The following KMT2C variants were observed in gnomAD, a reference collection of about 807,000 sequenced individuals.
The protein encoded by KMT2C is lysine methyltransferase 2C, also known as histone-lysine N-methyltransferase 2C.
In KMT2C, 88 loss-of-function variants were observed where a neutral mutation model predicts 507.9. That is an observed-to-expected ratio of 0.17 (90% confidence interval 0.15 to 0.21). The LOEUF (loss-of-function observed/expected upper bound fraction) is 0.21, where lower values mean the gene tolerates loss of function less well. KMT2C is among the 10% of genes least tolerant of loss of function. KMT2C has a pLI of 1.00. For synonymous variants in KMT2C, 2,049 were observed against 2,080.8 expected (o/e 0.98, Z 0.42); for missense variants, 4,954 against 5,957.8 (o/e 0.83, Z 5.55).
At chr7:152,223,518 G>A (rs1376362517) in intron 20 of KMT2C, among the ~76,000 whole-genome samples, 1 of 152,096 alleles carries the variant, frequency 6.6e-6, no homozygotes, top group East Asian at 1.9e-4. Context: ...TCTTGGGCGG[G>A]CACAGTGGCT....
chr7:152,243,675 C>T (rs1434145345), intron 14 of KMT2C, among the ~76,000 whole-genome samples: 1 of 152,052 alleles, frequency 6.6e-6, no homozygotes, highest in Non-Finnish European at 1.5e-5. Flanking sequence ...GTCCCCGCTA[C>T]TCAGGAGGCT....
Position 152,181,058 on chromosome 7 carries a change from G to C in KMT2C, c.6802C>G (p.Pro2268Ala), listed in dbSNP as rs2129119599. 1 of 1,614,194 alleles carries C rather than the reference G, an allele frequency of 6.2e-7. No individual in the cohort carries two copies. ...GPALPGPLVR[P>A]PDTCSQTPRP... is the part of the protein sequence containing the mutation. The stretch of plus-strand genomic sequence containing the variant: ...GGTGTCTGGGAACATGTATCAGGTG[G>C]CCTTACCAACGGGCCAGGTAAAGCT... The change falls in exon 36 of 59, where the codon CCA (proline) becomes GCA (alanine). Residue 2268 changes from proline to alanine, a missense_variant. Physicochemically the swap from Pro to Ala is conservative, Grantham distance 27 (BLOSUM62 -1). Transcript: ENST00000262189.
At chr7:152,411,794 TAATA>T (rs2097687439) in intron 1 of KMT2C, among the ~76,000 whole-genome samples, 1 of 152,290 alleles carries the variant, frequency 6.6e-6, no homozygotes, top group Non-Finnish European at 1.5e-5. Context: ...TTTCTTTAAA[TAATA>T]AAAGGGAAAC....
At chr7:152,367,930 C>T in intron 1 of KMT2C, 1 of 981,276 alleles carries the variant, frequency 1.0e-6, no homozygotes, top group South Asian at 1.3e-5. Context: ...CAACTTATTG[C>T]CAAAGCAGAC....
At position 152,187,264 on chromosome 7, in the gene KMT2C, G is replaced by A. The variant is rs200711600; in HGVS notation, c.5006C>T (p.Pro1669Leu). 1 of 1,611,706 alleles carries A rather than the reference G, an allele frequency of 6.2e-7. No homozygotes were observed. Among genetic ancestry groups the A allele is most frequent in the Non-Finnish European group, 8.5e-7 (1 of 1,177,848 alleles). Residue 1669 changes from proline (P) to leucine (L), a missense_variant and splice_region_variant, in exon 33 of 59, where the codon CCT (proline) becomes CTT (leucine). Coordinates refer to ENST00000262189, the MANE Select transcript of KMT2C (RefSeq NM_170606.3). ...GAAATAATATATTCATGGCTTACCAGGGAATTCTTCCTTTAAGTTGGGGAA... is the reference window on the plus strand; with the variant it reads ...GAAATAATATATTCATGGCTTACCAAGGAATTCTTCCTTTAAGTTGGGGAA... The part of the protein sequence containing the change: ...INFPNLKEEF[P>L]DWTTRVKQIA...
Position 152,315,161 on chromosome 7 carries a change from T to C in KMT2C, c.567A>G (p.Pro189=). The C allele has an allele frequency of 6.2e-7, 1 of 1,614,078 alleles. No homozygotes were observed. Among genetic ancestry groups the C allele is most frequent in the Non-Finnish European group, 8.5e-7 (1 of 1,179,966 alleles). Residue 189 remains proline, a synonymous_variant, in exon 4 of 59, where the codon CCA becomes CCG. Transcript: ENST00000262189. ...GTYEKMQNSA[P]RKQRGQRKER... is the part of the protein sequence containing the mutation. Reference sequence around the variant, plus strand: ...ACTTTCTCTGTCCTCTTTGTTTTCGTGGTGCTGAGTTTTGCATTTTCTCAT... The same window carrying C: ...ACTTTCTCTGTCCTCTTTGTTTTCGCGGTGCTGAGTTTTGCATTTTCTCAT...
chr7:152,249,673 C>CAAAAAAAAAAAAAAAAA (rs1183345172), intron 13 of KMT2C, among the ~76,000 whole-genome samples: 14 of 34,512 alleles, frequency 4.1e-4, no homozygotes, highest in East Asian at 3.5e-3. Flanking sequence ...CTCCCCCCTC[C>CAAAAAAAAAAAAAAAAA]AAAAAAAAAA....
intron 1 of KMT2C, among the ~76,000 whole-genome samples, chr7:152,423,045 A>G (rs1224853284): frequency 6.6e-6 from 1 of 151,666 alleles, no homozygotes; most frequent in Non-Finnish European, 1.5e-5. Flanking sequence ...AAAAGAAAAA[A>G]AAACTACATT....
chr7:152,357,534 A>AAAACAAAC lies in KMT2C; in HGVS notation c.250+1045_250+1052dup, dbSNP rs550874806. On this transcript the variant is annotated intron_variant, in intron 2 of 58. Coordinates refer to ENST00000262189, the MANE Select transcript of KMT2C (RefSeq NM_170606.3). Reference sequence around the variant, plus strand: ...GCAACAGAGCAAGACTCTTGTCTTAAAAACAAACAAACAAACAAACAAAAA... The same window carrying AAAACAAAC: ...GCAACAGAGCAAGACTCTTGTCTTAAAAACAAACAAACAAACAAACAAACAAACAAAAA... Among the ~76,000 whole-genome samples, 1,380 of 152,212 alleles carry AAAACAAAC rather than the reference A, an allele frequency of 9.1e-3. 26 individuals are homozygous for AAAACAAAC. The highest frequency in any genetic ancestry group is 0.032 in the African/African-American group (1,327 of 41,482).
Position 152,162,379 on chromosome 7 carries a change from T to C in KMT2C, c.11198A>G (p.Glu3733Gly). Residue 3733 changes from glutamate to glycine, a missense_variant, in exon 43 of 59, where the codon GAG (glutamate) becomes GGG (glycine). Coordinates refer to ENST00000262189, the MANE Select transcript of KMT2C (RefSeq NM_170606.3). ...ACCATTCTGTTCCTCCAATTTAGGC[T>C]CCTCTTGGCCTGGGCAGGACTCTGT... ...AETESCPGQEEPKLEEQNGSK... is the reference protein window; with the variant it reads ...AETESCPGQEGPKLEEQNGSK... 6.2e-7 allele frequency: 1 copy of C among 1,614,250 alleles called. No individual in the cohort carries two copies. Among genetic ancestry groups the C allele is most frequent in the Non-Finnish European group, 8.5e-7 (1 of 1,180,044 alleles).
intron 9 of KMT2C, among the ~76,000 whole-genome samples, chr7:152,253,691 G>T (rs1588617359): frequency 6.6e-6 from 1 of 151,924 alleles, no homozygotes; most frequent in Non-Finnish European, 1.5e-5. Context: ...TGCCATGGTG[G>T]GTGGGGAAAC....
chr7:152,375,675 G>A (rs1255296097), intron 1 of KMT2C, among the ~76,000 whole-genome samples: 1 of 151,984 alleles, frequency 6.6e-6, no homozygotes, highest in Non-Finnish European at 1.5e-5. Context: ...GTGAGCCATA[G>A]TACCCAGCCT....
At chr7:152,206,132 A>G (rs2094302391) in intron 24 of KMT2C, among the ~76,000 whole-genome samples, 1 of 152,198 alleles carries the variant, frequency 6.6e-6, no homozygotes, top group African/African-American at 2.4e-5. Flanking sequence ...ACACATGTTA[A>G]AAGGACAAAT....
At chr7:152,268,608 T>G (rs2095901787) in intron 7 of KMT2C, among the ~76,000 whole-genome samples, 1 of 152,188 alleles carries the variant, frequency 6.6e-6, no homozygotes, top group African/African-American at 2.4e-5. Context: ...TAGTTCATTT[T>G]TGATAGAAAG....
At position 152,249,973 on chromosome 7, in the gene KMT2C, A is replaced by G. The variant is rs1563581664; in HGVS notation, c.1736-20T>C. 6.4e-7 allele frequency: 1 copy of G among 1,552,736 alleles called. No homozygotes were observed. Among genetic ancestry groups the G allele is most frequent in the Non-Finnish European group, 8.9e-7 (1 of 1,126,204 alleles). On this transcript the variant is annotated intron_variant, in intron 12 of 58. Transcript: ENST00000262189. ...GAACCGCTGTGAGTAACACATTTAT[A>G]AAATCTCTAAGGAGTCAAAATTTCT...
chr7:152,364,634 G>GA (rs769990703), intron 1 of KMT2C, among the ~76,000 whole-genome samples: 3 of 147,636 alleles, frequency 2.0e-5, no homozygotes, highest in African/African-American at 7.8e-5. Flanking sequence ...AAGAAAAAAA[G>GA]AAAAAAATGC....
At chr7:152,407,855 AAGC>A (rs2097635130) in intron 1 of KMT2C, among the ~76,000 whole-genome samples, 1 of 152,270 alleles carries the variant, frequency 6.6e-6, no homozygotes, top group Non-Finnish European at 1.5e-5. Context: ...TTTATATTAG[AAGC>A]AGCAACTATT....
chr7:152,339,969 T>C (rs1048745763), intron 2 of KMT2C, among the ~76,000 whole-genome samples: 2 of 151,876 alleles, frequency 1.3e-5, no homozygotes, highest in African/African-American at 4.8e-5. Flanking sequence ...ATATGCCTTC[T>C]CCCTCTATGC....
rs1227387724 is a variant in KMT2C at position 152,144,956 on chromosome 7, A to C, written c.14175-75T>G. The stretch of plus-strand genomic sequence containing the variant: ...ATACCTCTGAGTAATGCCCAAAACC[A>C]GGTTAATTCAGATTCTTACTGACAG... On this transcript the variant is annotated intron_variant, in intron 54 of 58. Transcript: ENST00000262189. The surrounding 1 kb of genome is among the most constrained non-coding windows in gnomAD (Gnocchi z 4.4). 1 of 1,458,274 alleles carries C rather than the reference A, an allele frequency of 6.9e-7. No homozygotes were observed. The highest frequency in any genetic ancestry group is 9.2e-7 in the Non-Finnish European group (1 of 1,081,150). 90.3% of individuals were successfully genotyped at this position (1,458,274 alleles called of 1,614,324 possible).
Sources: allele counts gnomAD v4.1 joint callset (sites outside exome capture counted in the v4.1 genomes callset), GRCh38; gene constraint gnomAD v4.1.1; non-coding constraint Gnocchi (gnomAD v3.1); transcripts MANE v1.5; gene names NCBI Gene and HGNC (gene_info 2026-07-23, HGNC 2026-07-21).